Variants in DCC observed in about 807,000 individuals in gnomAD.
The protein encoded by DCC is netrin receptor DCC.
DCC carries 58 observed loss-of-function variants against 172.5 expected under a neutral mutation model. The ratio of observed to expected loss-of-function variants is 0.34; its 90% CI spans 0.27 to 0.42. The LOEUF is 0.42. Among genes scored for constraint, DCC ranks in the 10% least tolerant of loss-of-function variants. The pLI, the probability that DCC is intolerant of heterozygous loss-of-function variation, is 1.00. For synonymous variants in DCC, 709 were observed against 644.5 expected, an observed-to-expected ratio of 1.10 and a Z score of -1.52; for missense variants, 1,740 against 1,791.0, an observed-to-expected ratio of 0.97 and a Z score of 0.51.
At chr18:53,484,725 C>A (rs750282906) in intron 25 of DCC, among the ~76,000 whole-genome samples, 5 of 151,946 alleles carry the variant, frequency 3.3e-5, no homozygotes, top group Non-Finnish European at 5.9e-5. Context: ...AAGTGCAGTG[C>A]CTCCAACTTT....
At chr18:53,349,102 C>G (rs1394131227) in intron 15 of DCC, among the ~76,000 whole-genome samples, 3 of 152,192 alleles carry the variant, frequency 2.0e-5, no homozygotes, top group Admixed American at 6.5e-5. Flanking sequence ...CCTTATAAAA[C>G]TGGATGCCTT....
intron 1 of DCC, among the ~76,000 whole-genome samples, chr18:52,706,770 C>A (rs531701231): frequency 1.3e-5 from 2 of 152,290 alleles, no homozygotes; most frequent in Non-Finnish European, 2.9e-5. Flanking sequence ...GGCACTGCCT[C>A]GAAGGTGCTC....
intron 9 of DCC, among the ~76,000 whole-genome samples, chr18:53,202,645 T>C (rs2055557877): frequency 6.6e-6 from 1 of 152,086 alleles, no homozygotes; most frequent in Non-Finnish European, 1.5e-5. Context: ...TGCTTATTAG[T>C]TGTAAGTGGT....
chr18:52,475,542 C>T (rs1406129166), intron 1 of DCC, among the ~76,000 whole-genome samples: 1 of 151,884 alleles, frequency 6.6e-6, no homozygotes, highest in East Asian at 1.9e-4. Context: ...GGGTGGGGGA[C>T]AGGGAGGGTT....
At chr18:53,411,370 A>G (rs1194707355) in intron 20 of DCC, among the ~76,000 whole-genome samples, 1 of 152,170 alleles carries the variant, frequency 6.6e-6, no homozygotes, top group Non-Finnish European at 1.5e-5. Context: ...AATAATTTGT[A>G]ATAAGTTTCA....
At chr18:52,435,556 G>C (rs963298579) in intron 1 of DCC, among the ~76,000 whole-genome samples, 1 of 152,158 alleles carries the variant, frequency 6.6e-6, no homozygotes, top group Non-Finnish European at 1.5e-5. Context: ...GCTCTGACTG[G>C]TTTCTCATCA....
intron 6 of DCC, among the ~76,000 whole-genome samples, chr18:53,063,828 T>G (rs534967865): frequency 1.1e-4 from 16 of 152,332 alleles, no homozygotes; most frequent in African/African-American, 3.6e-4. Flanking sequence ...TCTTTGACTT[T>G]TACCCATTTT....
rs1555689776 is a variant in DCC, at chr18:52,497,293, A to ATATATATATGTG, written c.91+156424_91+156425insGTGTATATATAT. ...AAAAAAAAAAAAAATATATATATAT[A>ATATATATATGTG]TATATATATATATATATATATACAC... On this transcript the variant is annotated intron_variant, in intron 1 of 28. Coordinates refer to ENST00000442544, the MANE Select transcript of DCC (RefSeq NM_005215.4). Among the ~76,000 whole-genome samples the ATATATATATGTG allele has an allele frequency of 3.5e-3, 105 of 29,922 alleles. 4 individuals carry two copies. The highest frequency in any genetic ancestry group is 8.1e-3 in the Non-Finnish European group (85 of 10,466). 19.6% of individuals were successfully genotyped at this position (29,922 alleles called of 152,430 possible).
intron 18 of DCC, among the ~76,000 whole-genome samples, chr18:53,397,831 T>G (rs1470441710): frequency 6.6e-6 from 1 of 152,014 alleles, no homozygotes; most frequent in East Asian, 1.9e-4. Flanking sequence ...AAAAGAAAAA[T>G]AGATGCAAAA....
At chr18:53,075,281 A>G (rs2042708881) in intron 7 of DCC, among the ~76,000 whole-genome samples, 1 of 152,182 alleles carries the variant, frequency 6.6e-6, no homozygotes, top group Admixed American at 6.5e-5. Flanking sequence ...AGTTTTATGT[A>G]GGCAGAGGTT....
intron 2 of DCC, among the ~76,000 whole-genome samples, chr18:52,886,507 C>G (rs1372289562): frequency 6.6e-6 from 1 of 152,188 alleles, no homozygotes; most frequent in East Asian, 1.9e-4. Context: ...CACAGACTCT[C>G]TCTGTGTGCA....
At chr18:52,521,973 T>C (rs1049197814) in intron 1 of DCC, among the ~76,000 whole-genome samples, 3 of 152,076 alleles carry the variant, frequency 2.0e-5, no homozygotes, top group African/African-American at 7.2e-5. Context: ...AAAAAAATAA[T>C]CCTCAATCTT....
intron 1 of DCC, among the ~76,000 whole-genome samples, chr18:52,434,043 A>AT (rs1466298751): frequency 3.9e-5 from 6 of 152,240 alleles, no homozygotes; most frequent in African/African-American, 1.4e-4. Context: ...CATTTCAATT[A>AT]TTGATTAGCA....
chr18:53,116,745 C>A (rs1190745022), intron 7 of DCC, among the ~76,000 whole-genome samples: 2 of 151,584 alleles, frequency 1.3e-5, no homozygotes, highest in African/African-American at 4.8e-5. Context: ...AAAAATTAAT[C>A]TTTCTAAAGT....
chr18:52,621,069 T>G (rs1364691806), intron 1 of DCC, among the ~76,000 whole-genome samples: 5 of 152,232 alleles, frequency 3.3e-5, no homozygotes, highest in Non-Finnish European at 7.3e-5. Context: ...CCTTCAGGAC[T>G]GTTGTGTCTG....
In DCC at chr18:52,921,797, A is replaced by AT. The variant is rs1232984757; in HGVS notation, c.698-1901dup. Among the ~76,000 whole-genome samples, 83 of 150,668 alleles carry AT rather than the reference A, an allele frequency of 5.5e-4. 2 individuals carry two copies. Among genetic ancestry groups the AT allele is most frequent in the Admixed American group, 4.5e-3 (68 of 15,014 alleles). The stretch of plus-strand genomic sequence containing the variant: ...TAGCATCGTTGATAGGTCCTAGGTA[A>AT]TTTTTTTTTCTTTTTTAGCTAGAAG... On this transcript the variant is annotated intron_variant, in intron 3 of 28. Transcript: ENST00000442544.
intron 2 of DCC, among the ~76,000 whole-genome samples, chr18:52,905,633 A>G (rs2039870667): frequency 6.6e-6 from 1 of 152,202 alleles, no homozygotes; most frequent in Non-Finnish European, 1.5e-5. Context: ...AAAGTGGGGT[A>G]ACAGGAATTC....
intron 5 of DCC, among the ~76,000 whole-genome samples, chr18:53,017,798 A>C (rs2143906364): frequency 6.6e-6 from 1 of 152,298 alleles, no homozygotes; most frequent in Middle Eastern, 3.4e-3. Context: ...CTATGCCAAA[A>C]ATTTGTAGTA....
In DCC at chr18:53,307,905, A is replaced by G. The variant is rs1335126290; in HGVS notation, c.2053+2186A>G. ...AAGCAATGTGTGTGTATGTATATAT[A>G]TATATATATATATATATATATATAT... On this transcript the variant is annotated intron_variant, in intron 13 of 28. Transcript: ENST00000442544. Among the ~76,000 whole-genome samples the G allele has an allele frequency of 6.0e-3, 36 of 5,966 alleles. 1 individual carries two copies. The highest frequency in any genetic ancestry group is 0.038 in the East Asian group (8 of 212). The allele number at this position is 5,966 out of a possible 152,430, so 3.9% of individuals were successfully genotyped here.
Sources: allele counts gnomAD v4.1 joint callset (sites outside exome capture counted in the v4.1 genomes callset), GRCh38; gene constraint gnomAD v4.1.1; transcripts MANE v1.5; gene names NCBI Gene and HGNC (gene_info 2026-07-23, HGNC 2026-07-21).